The following GRIN2A variants were observed in gnomAD, a reference collection of about 807,000 sequenced individuals.
The protein encoded by GRIN2A is glutamate receptor ionotropic, NMDA 2A.
In GRIN2A, 22 loss-of-function variants were observed where a neutral mutation model predicts 113.4. That is an observed-to-expected ratio of 0.19 (90% CI 0.14 to 0.28). The LOEUF is 0.28. Ranked by LOEUF, GRIN2A falls within the 10% of genes least tolerant of loss-of-function variation. The pLI is 1.00. For synonymous variants in GRIN2A, 827 were observed against 738.4 expected, an observed-to-expected ratio of 1.12 and a Z score of -1.94; for missense variants, 1,502 against 1,887.0, an observed-to-expected ratio of 0.80 and a Z score of 3.78.
chr16:9,860,610 A>G (rs2043051258), intron 4 of GRIN2A, among the ~76,000 whole-genome samples: 1 of 152,166 alleles, frequency 6.6e-6, no homozygotes, highest in Non-Finnish European at 1.5e-5. Flanking sequence ...AGTGGATTAA[A>G]CACTTCTTCT....
At chr16:9,781,917 G>A (rs11859003) in intron 11 of GRIN2A, among the ~76,000 whole-genome samples, 36 of 152,154 alleles carry the variant, frequency 2.4e-4, no homozygotes, top group African/African-American at 8.7e-4. Context: ...TAAAATAATT[G>A]TGAAAGCAGA....
chr16:9,908,450 T>C (rs1429531226), intron 3 of GRIN2A, among the ~76,000 whole-genome samples: 2 of 152,106 alleles, frequency 1.3e-5, no homozygotes, highest in Admixed American at 6.6e-5. Context: ...CAGTTTTTTT[T>C]CCCAAATAGC....
At chr16:9,859,907 G>A (rs887334819) in intron 4 of GRIN2A, among the ~76,000 whole-genome samples, 7 of 151,878 alleles carry the variant, frequency 4.6e-5, no homozygotes, top group African/African-American at 1.4e-4. Context: ...TTATTCATGA[G>A]CCCACATGCC....
intron 2 of GRIN2A, among the ~76,000 whole-genome samples, chr16:10,000,657 T>C (rs1406590554): frequency 6.6e-6 from 1 of 152,170 alleles, no homozygotes. Flanking sequence ...GATTTCATTG[T>C]ATTAAGGAAG....
intron 2 of GRIN2A, among the ~76,000 whole-genome samples, chr16:9,962,769 G>A (rs1448040872): frequency 6.6e-6 from 1 of 152,080 alleles, no homozygotes; most frequent in African/African-American, 2.4e-5. Flanking sequence ...TCCCATTACT[G>A]AGTATATACC....
intron 2 of GRIN2A, among the ~76,000 whole-genome samples, chr16:10,073,648 T>C (rs754346513): frequency 6.6e-6 from 1 of 152,026 alleles, no homozygotes; most frequent in Non-Finnish European, 1.5e-5. Context: ...CCTTCACCCT[T>C]TGTCAAAATT....
rs1596466231 is a variant in GRIN2A at position 10,055,071 on chromosome 16, A to G, written c.415-116520T>C. 1.1e-3 allele frequency among the ~76,000 whole-genome samples: 82 copies of G among 75,922 alleles called. 1 individual carries two copies. Among genetic ancestry groups the G allele is most frequent in the East Asian group, 3.0e-3 (4 of 1,354 alleles). 49.8% of individuals were successfully genotyped at this position (75,922 alleles called of 152,430 possible). A position where few individuals can be genotyped will look rare whatever the true frequency, so the allele number is the denominator to read the frequency against. ...TCAAAAAAAAAAAAAAAAAAAAAAA[A>G]AAAAAAAAAAAAAAGAAAAAAGAAA... On this transcript the variant is annotated intron_variant, in intron 2 of 12. Coordinates refer to ENST00000330684, the MANE Select transcript of GRIN2A (RefSeq NM_001134407.3).
At chr16:9,949,614 G>T (rs988911922) in intron 2 of GRIN2A, among the ~76,000 whole-genome samples, 1 of 151,820 alleles carries the variant, frequency 6.6e-6, no homozygotes, top group Non-Finnish European at 1.5e-5. Context: ...ATGGGTAGAC[G>T]GGTGGGTGGA....
intron 4 of GRIN2A, among the ~76,000 whole-genome samples, chr16:9,882,808 G>A (rs187336922): frequency 1.1e-3 from 170 of 152,254 alleles, no homozygotes; most frequent in African/African-American, 3.8e-3. Flanking sequence ...AAATTACAAG[G>A]TCTGGGAGAT....
At chr16:10,021,670 G>T (rs929496657) in intron 2 of GRIN2A, among the ~76,000 whole-genome samples, 2 of 152,076 alleles carry the variant, frequency 1.3e-5, no homozygotes, top group Non-Finnish European at 2.9e-5. Flanking sequence ...AGGGAATGAG[G>T]GGAAGAGCAT....
intron 2 of GRIN2A, among the ~76,000 whole-genome samples, chr16:10,013,086 A>C (rs1429755160): frequency 1.3e-5 from 2 of 152,206 alleles, no homozygotes; most frequent in Non-Finnish European, 2.9e-5. Context: ...TAATCTGTAC[A>C]ACAAACCCCA....
intron 2 of GRIN2A, among the ~76,000 whole-genome samples, chr16:10,176,130 T>TGAGTA (rs1321478036): frequency 6.6e-6 from 1 of 151,330 alleles, no homozygotes; most frequent in African/African-American, 2.4e-5. Context: ...CTCAGCCTCC[T>TGAGTA]GAGTAGCTGG....
intron 2 of GRIN2A, among the ~76,000 whole-genome samples, chr16:10,156,797 C>G (rs1412099988): frequency 6.6e-6 from 1 of 152,174 alleles, no homozygotes. Flanking sequence ...TTTTCATACA[C>G]CTTATTTCAT....
chr16:9,961,019 G>A (rs908739107), intron 2 of GRIN2A, among the ~76,000 whole-genome samples: 2 of 152,168 alleles, frequency 1.3e-5, no homozygotes, highest in African/African-American at 4.8e-5. Context: ...TCATTTACGT[G>A]CAATTTAATG....
At position 9,853,934 on chromosome 16, in the gene GRIN2A, T is replaced by A. The variant is rs1048473631; in HGVS notation, c.1123-3973A>T. Among the ~76,000 whole-genome samples the A allele has an allele frequency of 5.9e-5, 9 of 152,298 alleles. No individual in the cohort carries two copies. In the East Asian group the frequency reaches 1.2e-3, roughly 20 times the overall value. On this transcript the variant is annotated intron_variant, in intron 4 of 12. Transcript: ENST00000330684. ...TTAATTTGATTTAAATATCTAAACA[T>A]CATTTGCTTCACAATATTATACCTC...
intron 4 of GRIN2A, among the ~76,000 whole-genome samples, chr16:9,890,431 C>T (rs891440458): frequency 6.6e-6 from 1 of 152,074 alleles, no homozygotes; most frequent in African/African-American, 2.4e-5. Flanking sequence ...TTTTTCTTTG[C>T]AAACGATTTT....
intron 2 of GRIN2A, among the ~76,000 whole-genome samples, chr16:10,144,864 T>A (rs1276132384): frequency 3.1e-5 from 4 of 129,126 alleles, no homozygotes; most frequent in Non-Finnish European, 4.6e-5. Context: ...GAGACTGCAG[T>A]GAGCTGAGAT....
intron 2 of GRIN2A, among the ~76,000 whole-genome samples, chr16:10,065,125 A>C (rs572125228): frequency 6.6e-6 from 1 of 152,344 alleles, no homozygotes; most frequent in African/African-American, 2.4e-5. Flanking sequence ...TCTCTGATGC[A>C]ATTGGGCATT....
At chr16:9,825,779 T>TCAG (rs1457821170) in intron 9 of GRIN2A, among the ~76,000 whole-genome samples, 10 of 152,072 alleles carry the variant, frequency 6.6e-5, no homozygotes, top group African/African-American at 1.7e-4. Flanking sequence ...CTGGGACCAC[T>TCAG]CAGCAGCAGC....
Sources: allele counts gnomAD v4.1 joint callset (sites outside exome capture counted in the v4.1 genomes callset), GRCh38; gene constraint gnomAD v4.1.1; transcripts MANE v1.5; gene names NCBI Gene and HGNC (gene_info 2026-07-23, HGNC 2026-07-21).